The following ZNF423 variants were observed in gnomAD, a reference collection of about 807,000 sequenced individuals.
ZNF423 encodes the protein zinc finger protein 423.
In ZNF423, 12 loss-of-function variants were observed where a neutral mutation model predicts 95.8. That is an observed-to-expected ratio of 0.13 (90% CI 0.08 to 0.20). The LOEUF is 0.20. Among genes scored for constraint, ZNF423 ranks in the 10% least tolerant of loss-of-function variants. ZNF423 has a pLI of 1.00. For missense variants in ZNF423, 1,316 were observed against 1,737.1 expected (o/e 0.76, Z 4.31); for synonymous variants, 749 against 711.9 (o/e 1.05, Z -0.83).
rs1019006956 is a variant in ZNF423 at position 49,603,195 on chromosome 16, C to T, written c.3601+22975G>A. Among the ~76,000 whole-genome samples the T allele has an allele frequency of 2.6e-5, 4 of 152,192 alleles. No individual in the cohort carries two copies. Among genetic ancestry groups the T allele is most frequent in the African/African-American group, 9.7e-5 (4 of 41,442 alleles). ...GCTGCAGTGATCTCTGGCAGGGCCG[C>T]CAGGGACCACAATGTAAATGGTGTC... On this transcript the variant is annotated intron_variant, in intron 5 of 7. Transcript: ENST00000563137. This position sits in a 1 kb window ranked among gnomAD's most constrained non-coding sequence, Gnocchi z 4.1.
At chr16:49,623,586 A>G (rs1047503131) in intron 5 of ZNF423, among the ~76,000 whole-genome samples, 1 of 152,070 alleles carries the variant, frequency 6.6e-6, no homozygotes, top group Admixed American at 6.5e-5. Context: ...CCTCCCTGAC[A>G]CTCCGTGAAA....
intron 5 of ZNF423, among the ~76,000 whole-genome samples, chr16:49,569,444 G>A (rs1970293544): frequency 6.6e-6 from 1 of 152,226 alleles, no homozygotes; most frequent in Non-Finnish European, 1.5e-5. Flanking sequence ...GCATGGCAGA[G>A]TGAAAAGAGA....
At position 49,749,983 on chromosome 16, in the gene ZNF423, G is replaced by C. The variant is rs185369631; in HGVS notation, c.101-19012C>G. On this transcript the variant is annotated intron_variant, in intron 2 of 7. Transcript: ENST00000563137. ...ACTCTCCCCACATCCCAGTCCATCC[G>C]TGCAGATGGAAAGGGCCATGTGGTG... Among the ~76,000 whole-genome samples the C allele has an allele frequency of 1.9e-3, 284 of 152,294 alleles. 1 individual carries two copies. The highest frequency in any genetic ancestry group is 6.3e-3 in the African/African-American group (261 of 41,554).
chr16:49,649,578 C>T (rs1215542225), intron 3 of ZNF423, among the ~76,000 whole-genome samples: 4 of 151,724 alleles, frequency 2.6e-5, no homozygotes, highest in East Asian at 3.9e-4. Context: ...GTCCAATCTC[C>T]GTGTCAATTA....
At chr16:49,630,753 G>A (rs1353459125) in intron 4 of ZNF423, among the ~76,000 whole-genome samples, 2 of 152,086 alleles carry the variant, frequency 1.3e-5, no homozygotes, top group African/African-American at 2.4e-5. Context: ...ATCCCCAGGG[G>A]CTTGGGCAGG....
chr16:49,715,160 G>A (rs769817758), intron 3 of ZNF423, among the ~76,000 whole-genome samples: 1 of 152,212 alleles, frequency 6.6e-6, no homozygotes, highest in Non-Finnish European at 1.5e-5. Flanking sequence ...CACAGGACGG[G>A]ACTCCTAAGA....
chr16:49,589,498 AT>A (rs200653412), intron 5 of ZNF423, among the ~76,000 whole-genome samples: 13,013 of 148,152 alleles, frequency 0.088, 1,285 homozygotes, highest in African/African-American at 0.23. Flanking sequence ...GAGTACTTTG[AT>A]TTTTTTTTTT....
Position 49,818,747 on chromosome 16 carries a change from T to G in ZNF423, c.41-29201A>C, listed in dbSNP as rs186969160. 1.7e-4 allele frequency among the ~76,000 whole-genome samples: 26 copies of G among 150,704 alleles called. No individual in the cohort carries two copies. The Middle Eastern group carries it at 0.011, about 63-fold the overall frequency. On this transcript the variant is annotated intron_variant, in intron 1 of 7. Transcript: ENST00000563137. ...AAAATATAAAAATAAATTAGCTGAG[T>G]GTGATGGTGAACGCCTGTAGTCCCA...
intron 5 of ZNF423, among the ~76,000 whole-genome samples, chr16:49,549,031 GA>G (rs1969538043): frequency 6.6e-6 from 1 of 152,062 alleles, no homozygotes; most frequent in African/African-American, 2.4e-5. Flanking sequence ...GATGAGTGGT[GA>G]AAAAAAGTAG....
intron 5 of ZNF423, among the ~76,000 whole-genome samples, chr16:49,551,745 G>A (rs1219233934): frequency 2.0e-5 from 3 of 152,216 alleles, no homozygotes; most frequent in Non-Finnish European, 4.4e-5. Context: ...CAGAGTGGGT[G>A]GGGGCTGGAA....
chr16:49,745,971 C>G lies in ZNF423; in HGVS notation c.101-15000G>C, dbSNP rs545285307. ...ATCTGCGCCCCAACACCAGCTTACT[C>G]AGGGCAGAGAAATACCCTAAAATGA... On this transcript the variant is annotated intron_variant, in intron 2 of 7. Transcript: ENST00000563137. Among the ~76,000 whole-genome samples the G allele has an allele frequency of 4.1e-4, 63 of 152,264 alleles. 1 individual carries two copies. In the South Asian group the frequency reaches 0.011, roughly 27 times the overall value.
chr16:49,597,262 G>A (rs1971211219), intron 5 of ZNF423, among the ~76,000 whole-genome samples: 2 of 152,266 alleles, frequency 1.3e-5, no homozygotes, highest in Middle Eastern at 3.4e-3. Flanking sequence ...CCTGGGGGAG[G>A]AGGGTCTCCT....
chr16:49,783,829 G>C (rs1045830929), intron 2 of ZNF423, among the ~76,000 whole-genome samples: 1 of 151,890 alleles, frequency 6.6e-6, no homozygotes, highest in Non-Finnish European at 1.5e-5. Flanking sequence ...AATTAGCTGG[G>C]CGTGATGGCA....
intron 5 of ZNF423, among the ~76,000 whole-genome samples, chr16:49,583,166 ACCTTC>A (rs1368498589): frequency 1.1e-4 from 17 of 152,320 alleles, no homozygotes; most frequent in Admixed American, 8.5e-4. Context: ...GGACCTAGGA[ACCTTC>A]CTGGACTGAT....
intron 2 of ZNF423, among the ~76,000 whole-genome samples, chr16:49,743,551 A>G (rs1311206958): frequency 6.6e-6 from 1 of 152,022 alleles, no homozygotes; most frequent in Non-Finnish European, 1.5e-5. Context: ...TCTGACATTT[A>G]AAGATCCAGC....
At chr16:49,596,419 T>C (rs760566408) in intron 5 of ZNF423, among the ~76,000 whole-genome samples, 60 of 152,318 alleles carry the variant, frequency 3.9e-4, no homozygotes, top group Admixed American at 2.4e-3. Flanking sequence ...CCAGAGAATG[T>C]ATTTCCTCTC....
chr16:49,770,495 G>A (rs2034012980), intron 2 of ZNF423, among the ~76,000 whole-genome samples: 1 of 152,174 alleles, frequency 6.6e-6, no homozygotes, highest in Non-Finnish European at 1.5e-5. Flanking sequence ...GCCTATGAAT[G>A]GCTGAGGAAA....
chr16:49,804,285 C>T (rs2034628129), intron 1 of ZNF423, among the ~76,000 whole-genome samples: 1 of 152,056 alleles, frequency 6.6e-6, no homozygotes, highest in Non-Finnish European at 1.5e-5. Context: ...TTTTTTTACA[C>T]TAATATGCAA....
rs765925395 is a variant in ZNF423 at position 49,635,890 on chromosome 16, G to C, written c.3286C>G (p.Pro1096Ala). 2.7e-5 allele frequency: 42 copies of C among 1,582,858 alleles called. No homozygotes were observed. The Admixed American group carries it at 7.4e-4, about 28-fold the overall frequency. The change falls in exon 4 of 8, where the codon CCC becomes GCC. Residue 1096 changes from proline (P) to alanine (A), a missense_variant. Physicochemically the swap from Pro to Ala is conservative, Grantham distance 27. Around this residue, in one of 6 missense-constraint regions of ZNF423, gnomAD observed 620 missense variants for 775.6 expected, o/e 0.80. Transcript: ENST00000563137. This position sits in a 1 kb window ranked among gnomAD's most constrained non-coding sequence, Gnocchi z 4.8. Reference sequence around the variant, plus strand: ...ATGCAGCCGGCGCAGAGGCCGTAGGGCAGCCCATTGACGTCAAGCTTCACC... The same window carrying C: ...ATGCAGCCGGCGCAGAGGCCGTAGGCCAGCCCATTGACGTCAAGCTTCACC... ...DLVKLDVNGL[P>A]YGLCAGCMAR...
Sources: gnomAD v4.1 joint callset for allele counts (sites outside exome capture counted in the v4.1 genomes callset) on GRCh38, gnomAD v4.1.1 for gene constraint, gnomAD v4.1.1 regional missense constraint, Gnocchi (gnomAD v3.1) non-coding constraint, MANE v1.5 for transcripts, NCBI Gene and HGNC (gene_info 2026-07-23, HGNC 2026-07-21) for gene names.